IL1RAPL2: variants seen among roughly 807,000 people sequenced by gnomAD.
The protein encoded by IL1RAPL2 is interleukin 1 receptor accessory protein like 2, also known as X-linked interleukin-1 receptor accessory protein-like 2.
A neutral mutation model predicts 44.1 loss-of-function variants in IL1RAPL2; 3 were observed. The ratio of observed to expected loss-of-function variants is 0.07; its 90% confidence interval spans 0.03 to 0.18. The LOEUF is 0.18. IL1RAPL2 is among the 10% of genes least tolerant of loss of function. IL1RAPL2 has a pLI of 1.00. For missense variants in IL1RAPL2, 391 were observed against 496.4 expected, an observed-to-expected ratio of 0.79 and a Z score of 2.02; for synonymous variants, 181 against 178.8, an observed-to-expected ratio of 1.01 and a Z score of -0.10.
intron 2 of IL1RAPL2, among the ~76,000 whole-genome samples, chrX:104,942,186 C>CT (rs1925198866): frequency 8.9e-6 from 1 of 111,820 alleles, no homozygotes; most frequent in Admixed American, 9.5e-5. Context: ...AATGCGGGTT[C>CT]TTTTTTGGTT....
Position 105,374,878 on chromosome X carries a change from A to G in IL1RAPL2, c.697+107337A>G, listed in dbSNP as rs1385931832. ...CAGGAGAATGGCGTGAACCCGGTAGACGGAGCTTGCAGCGAGCCTAGATGG... is the reference window on the plus strand; with the variant it reads ...CAGGAGAATGGCGTGAACCCGGTAGGCGGAGCTTGCAGCGAGCCTAGATGG... On this transcript the variant is annotated intron_variant, in intron 5 of 10. Coordinates refer to ENST00000372582, the MANE Select transcript of IL1RAPL2 (RefSeq NM_017416.2). 1.1e-4 allele frequency among the ~76,000 whole-genome samples: 11 copies of G among 101,976 alleles called. No homozygotes were observed. In the East Asian group the frequency reaches 3.2e-3, roughly 30 times the overall value. The allele number at this position is 101,976 out of a possible 115,157, so 88.6% of individuals were successfully genotyped here.
At chrX:104,883,265 C>T (rs1179111083) in intron 2 of IL1RAPL2, among the ~76,000 whole-genome samples, 4 of 111,358 alleles carry the variant, frequency 3.6e-5, no homozygotes, top group Admixed American at 2.9e-4. Flanking sequence ...GGGCACCTGT[C>T]GGCCAGTTAA....
rs142105366 is a variant in IL1RAPL2, at chrX:105,375,195, G to A, written c.697+107654G>A. ...AGAGTCAGAGTCCCTAGGCCAGTCA[G>A]ACTTTTGCCAGGTATCCTAAAGAAC... On this transcript the variant is annotated intron_variant, in intron 5 of 10. Transcript: ENST00000372582. 1.6e-3 allele frequency among the ~76,000 whole-genome samples: 177 copies of A among 110,292 alleles called. 1 individual carries two copies. The East Asian group carries it at 0.044, about 27-fold the overall frequency.
At chrX:104,899,593 C>G (rs752557126) in intron 2 of IL1RAPL2, among the ~76,000 whole-genome samples, 3 of 111,733 alleles carry the variant, frequency 2.7e-5, no homozygotes, top group Non-Finnish European at 5.6e-5. Context: ...TTTTATGCCA[C>G]ACATAATTGT....
chrX:104,895,094 A>G (rs1923599081), intron 2 of IL1RAPL2, among the ~76,000 whole-genome samples: 2 of 112,303 alleles, frequency 1.8e-5, no homozygotes, highest in Admixed American at 1.9e-4. Context: ...GAGGCTGCAG[A>G]ACAGCGAATA....
intron 1 of IL1RAPL2, among the ~76,000 whole-genome samples, chrX:104,644,693 C>T (rs1930000746): frequency 1.8e-5 from 2 of 111,027 alleles, no homozygotes; most frequent in Admixed American, 9.6e-5. Context: ...AAAAAAAAGT[C>T]TGATGGTATT....
At chrX:105,691,587 T>A (rs1211573087) in intron 6 of IL1RAPL2, among the ~76,000 whole-genome samples, 3 of 111,938 alleles carry the variant, frequency 2.7e-5, no homozygotes, top group Non-Finnish European at 5.6e-5. Context: ...ATTGCCACTT[T>A]GGATTCACCT....
chrX:105,293,864 A>G (rs1018737630), intron 5 of IL1RAPL2, among the ~76,000 whole-genome samples: 2 of 112,199 alleles, frequency 1.8e-5, no homozygotes, highest in African/African-American at 6.5e-5. Context: ...TAACAGATAC[A>G]TTTGAGCTAT....
intron 6 of IL1RAPL2, among the ~76,000 whole-genome samples, chrX:105,571,181 TAAG>T (rs982937655): frequency 5.4e-5 from 6 of 111,292 alleles, no homozygotes; most frequent in Non-Finnish European, 1.1e-4. Context: ...TGAGACCCAG[TAAG>T]AAGAAGAGAA....
At chrX:105,722,937 C>T (rs750732598) in intron 7 of IL1RAPL2, among the ~76,000 whole-genome samples, 3 of 110,595 alleles carry the variant, frequency 2.7e-5, no homozygotes, top group African/African-American at 9.9e-5. Context: ...TCTTATCAAA[C>T]GTTTTCTTGG....
At chrX:105,659,686 A>C (rs1484626573) in intron 6 of IL1RAPL2, among the ~76,000 whole-genome samples, 1 of 108,350 alleles carries the variant, frequency 9.2e-6, no homozygotes, top group Non-Finnish European at 1.9e-5. Context: ...AAAAAAAATA[A>C]ATAAAAGAAT....
At chrX:105,630,599 G>T (rs1364468186) in intron 6 of IL1RAPL2, among the ~76,000 whole-genome samples, 1 of 107,549 alleles carries the variant, frequency 9.3e-6, no homozygotes, top group Admixed American at 1.0e-4. Flanking sequence ...AAATGTTGAA[G>T]ATTCGATCTG....
intron 5 of IL1RAPL2, among the ~76,000 whole-genome samples, chrX:105,391,091 C>T (rs901868015): frequency 1.1e-4 from 12 of 111,468 alleles, no homozygotes; most frequent in East Asian, 8.5e-4. Context: ...ATCCATGTTT[C>T]GCATATGATG....
At chrX:105,524,202 ATGGTATG>A (rs1207476890) in intron 6 of IL1RAPL2, among the ~76,000 whole-genome samples, 1 of 111,801 alleles carries the variant, frequency 8.9e-6, no homozygotes, top group African/African-American at 3.2e-5. Context: ...GACCAAATTC[ATGGTATG>A]TTACCATAAC....
chrX:105,356,040 AG>A (rs1404913409), intron 5 of IL1RAPL2, among the ~76,000 whole-genome samples: 1 of 111,380 alleles, frequency 9.0e-6, no homozygotes, highest in Non-Finnish European at 1.9e-5. Flanking sequence ...GGTTTCATCA[AG>A]GTTAAATACG....
intron 6 of IL1RAPL2, among the ~76,000 whole-genome samples, chrX:105,625,331 C>T (rs780340092): frequency 2.7e-5 from 3 of 111,637 alleles, no homozygotes; most frequent in Non-Finnish European, 1.9e-5. Flanking sequence ...AATCCATATC[C>T]GCAAGAAGTT....
intron 1 of IL1RAPL2, among the ~76,000 whole-genome samples, chrX:104,588,987 C>G (rs1928613910): frequency 1.8e-5 from 2 of 111,883 alleles, no homozygotes; most frequent in African/African-American, 6.5e-5. Context: ...AGCTGTCCAA[C>G]CATCTTGTTT....
intron 1 of IL1RAPL2, among the ~76,000 whole-genome samples, chrX:104,634,199 G>A (rs1294381881): frequency 9.0e-6 from 1 of 111,464 alleles, no homozygotes; most frequent in African/African-American, 3.3e-5. Flanking sequence ...TTGCACTGTG[G>A]TCTGAGAGAC....
At chrX:105,370,626 A>G in intron 5 of IL1RAPL2, among the ~76,000 whole-genome samples, 1 of 112,227 alleles carries the variant, frequency 8.9e-6, no homozygotes, top group East Asian at 2.8e-4. Flanking sequence ...CTAGTCTACC[A>G]TTGATAGGTA....
Sources: gnomAD v4.1 joint callset for allele counts (sites outside exome capture counted in the v4.1 genomes callset) on GRCh38, gnomAD v4.1.1 for gene constraint, MANE v1.5 for transcripts, NCBI Gene and HGNC (gene_info 2026-07-23, HGNC 2026-07-21) for gene names.